Variants in LCORL observed in about 807,000 individuals in gnomAD.
The protein encoded by LCORL is ligand-dependent nuclear receptor corepressor-like protein.
In LCORL, 41 loss-of-function variants were observed where a neutral mutation model predicts 141.8. The observed-to-expected ratio is 0.29, with a 90% CI of 0.23 to 0.38. The LOEUF is 0.38. LCORL is among the 10% of genes least tolerant of loss of function. LCORL has a pLI of 1.00. For missense variants in LCORL, 1,759 were observed against 2,035.0 expected, an observed-to-expected ratio of 0.86 and a Z score of 2.61; for synonymous variants, 618 against 694.1, an observed-to-expected ratio of 0.89 and a Z score of 1.72.
exon 7 of LCORL, chr4:17,873,625 C>T: frequency 8.1e-7 from 1 of 1,233,848 alleles, no homozygotes. Context: ...TTTTCTATTT[C>T]TTTAGATTGC....
Position 17,881,296 on chromosome 4 carries a change from A to G in LCORL, c.777-3083T>C, listed in dbSNP as rs1027876282. The G allele has an allele frequency of 5.1e-6, 5 of 980,192 alleles. No individual in the cohort carries two copies. The African/African-American group carries it at 5.3e-5, about 10-fold the overall frequency. The allele number at this position is 980,192 out of a possible 1,614,324, so 60.7% of individuals were successfully genotyped here. A position where few individuals can be genotyped will look rare whatever the true frequency, so the allele number is the denominator to read the frequency against. The stretch of plus-strand genomic sequence containing the variant: ...AATTAATAAATAGTAACTGGTAACT[A>G]AATTCATAAAGTACTTTGAAAGTTT... On this transcript the variant is annotated intron_variant, in intron 6 of 7. Coordinates refer to ENST00000635767, the Ensembl canonical transcript of LCORL.
At chr4:17,851,357 C>T (rs1009340188) in intron 7 of LCORL, among the ~76,000 whole-genome samples, 2 of 152,104 alleles carry the variant, frequency 1.3e-5, no homozygotes, top group Non-Finnish European at 2.9e-5. Flanking sequence ...TCTGGGGCAA[C>T]TATTGTTACC....
chr4:17,959,928 G>GTA (rs1416192800), intron 4 of LCORL, among the ~76,000 whole-genome samples: 1 of 152,086 alleles, frequency 6.6e-6, no homozygotes, highest in African/African-American at 2.4e-5. Context: ...TCAAAGTAGA[G>GTA]TTAATAGTAG....
At chr4:17,994,505 C>T (rs1008266869) in intron 1 of LCORL, among the ~76,000 whole-genome samples, 2 of 152,182 alleles carry the variant, frequency 1.3e-5, no homozygotes, top group Admixed American at 6.5e-5. Context: ...TTAAGAATCA[C>T]TGCCTCAATT....
chr4:18,020,262 G>C (rs543659352), intron 1 of LCORL, among the ~76,000 whole-genome samples: 1 of 152,246 alleles, frequency 6.6e-6, no homozygotes, highest in African/African-American at 2.4e-5. Flanking sequence ...ATGGGAGGCG[G>C]GGTCGGGGGT....
chr4:17,873,716 T>A (rs1726621551), exon 7 of LCORL: 1 of 1,233,672 alleles, frequency 8.1e-7, no homozygotes, highest in Non-Finnish European at 1.0e-6. Context: ...GATGAGTATT[T>A]CCACTGTCAG....
chr4:17,962,066 T>A (rs777441068), intron 3 of LCORL, 34 bp from the exon 4 acceptor site: 1 of 1,465,556 alleles, frequency 6.8e-7, no homozygotes, highest in East Asian at 2.3e-5. Flanking sequence ...CATACAGAAT[T>A]ATTTTTTAAT....
intron 6 of LCORL, chr4:17,883,796 C>CA: frequency 6.4e-7 from 1 of 1,550,542 alleles, no homozygotes; most frequent in Non-Finnish European, 8.7e-7. Flanking sequence ...GTCTGGTAAT[C>CA]GTAGTTTCTT....
intron 4 of LCORL, among the ~76,000 whole-genome samples, chr4:17,953,369 T>C (rs1307013645): frequency 6.6e-6 from 1 of 152,228 alleles, no homozygotes; most frequent in African/African-American, 2.4e-5. Flanking sequence ...ACCAGCAGTG[T>C]GTAAGTGTTC....
At chr4:17,926,477 G>A (rs1288584145) in intron 4 of LCORL, among the ~76,000 whole-genome samples, 1 of 152,106 alleles carries the variant, frequency 6.6e-6, no homozygotes, top group Non-Finnish European at 1.5e-5. Flanking sequence ...TCGACTCTTG[G>A]ACCTACACCA....
At chr4:17,905,620 T>A (rs2109312818) in intron 5 of LCORL, among the ~76,000 whole-genome samples, 1 of 152,186 alleles carries the variant, frequency 6.6e-6, no homozygotes, top group African/African-American at 2.4e-5. Context: ...GTATATAAAG[T>A]TACCTATAAA....
chr4:17,868,341 G>A (rs956980860), intron 7 of LCORL, among the ~76,000 whole-genome samples: 3 of 151,880 alleles, frequency 2.0e-5, no homozygotes, highest in African/African-American at 2.4e-5. Context: ...CTCAGAATTC[G>A]ATTCAAAGTG....
At chr4:17,877,363 C>T (rs922891128) in exon 7 of LCORL, 2 of 1,230,214 alleles carry the variant, frequency 1.6e-6, no homozygotes, top group African/African-American at 3.1e-5. Flanking sequence ...TCCGTGGTTT[C>T]TATTGATTTT....
intron 7 of LCORL, among the ~76,000 whole-genome samples, chr4:17,870,323 C>T (rs550055408): frequency 1.3e-5 from 2 of 152,108 alleles, no homozygotes; most frequent in Non-Finnish European, 1.5e-5. Context: ...AGGCTGCTTG[C>T]TCTCTTTTGT....
chr4:18,009,305 A>G (rs896921832), intron 1 of LCORL, among the ~76,000 whole-genome samples: 2 of 144,078 alleles, frequency 1.4e-5, no homozygotes, highest in Non-Finnish European at 3.1e-5. Context: ...TACGTAACCA[A>G]TCTCCCACTG....
exon 8 of LCORL, chr4:17,843,387 C>CTAGGGACAATTACGTAT: frequency 6.2e-7 from 1 of 1,611,888 alleles, no homozygotes; most frequent in Non-Finnish European, 8.5e-7. Flanking sequence ...AAAAAGTAAA[C>CTAGGGACAATTACGTAT]TTAACCTTGC....
At chr4:17,899,851 A>C (rs1730611567) in intron 5 of LCORL, among the ~76,000 whole-genome samples, 1 of 152,182 alleles carries the variant, frequency 6.6e-6, no homozygotes, top group Non-Finnish European at 1.5e-5. Context: ...AAAATATTAT[A>C]TAAAATTACT....
chr4:18,014,937 G>A (rs1724409582), intron 1 of LCORL, among the ~76,000 whole-genome samples: 1 of 152,128 alleles, frequency 6.6e-6, no homozygotes, highest in Non-Finnish European at 1.5e-5. Context: ...TTGGACCTAT[G>A]TCCTTGGTGC....
At chr4:17,880,788 A>G (rs2109201139) in intron 6 of LCORL, 1 of 934,062 alleles carries the variant, frequency 1.1e-6, no homozygotes, top group African/African-American at 1.8e-5. Flanking sequence ...GTAGGAACAG[A>G]ATTACAGTAC....
Sources: allele counts gnomAD v4.1 joint callset (sites outside exome capture counted in the v4.1 genomes callset), GRCh38; gene constraint gnomAD v4.1.1; transcripts MANE v1.5; gene names NCBI Gene and HGNC (gene_info 2026-07-23, HGNC 2026-07-21).